MGAT4B: variants seen among roughly 807,000 people sequenced by gnomAD.
MGAT4B encodes the protein alpha-1,3-mannosyl-glycoprotein 4-beta-N-acetylglucosaminyltransferase B.
In MGAT4B, 38 loss-of-function variants were observed where a neutral mutation model predicts 73.9. The ratio of observed to expected loss-of-function variants is 0.51; its 90% CI spans 0.40 to 0.67. The LOEUF (loss-of-function observed/expected upper bound fraction) is 0.67, where lower values mean the gene tolerates loss of function less well. Ranked by LOEUF, MGAT4B falls within the 30% of genes least tolerant of loss-of-function variation. MGAT4B has a pLI of 0.00. For missense variants in MGAT4B, 686 were observed against 735.2 expected (o/e 0.93, Z 0.77); for synonymous variants, 373 against 313.5 (o/e 1.19, Z -2.01).
At chr5:179,802,458 T>C (rs1756987162) in intron 1 of MGAT4B, 1 of 1,050,070 alleles carries the variant, frequency 9.5e-7, no homozygotes, top group Non-Finnish European at 1.1e-6. Context: ...AGCCTCACGA[T>C]GGCCCCGGGG....
At position 179,801,187 on chromosome 5, in the gene MGAT4B, C is replaced by G; in HGVS notation, c.558+147G>C. On this transcript the variant is annotated intron_variant, in intron 4 of 14. Transcript: ENST00000292591. This position sits in a 1 kb window ranked among gnomAD's most constrained non-coding sequence, Gnocchi z 4.8. Reference sequence around the variant, plus strand: ...TAGGGGTAGAGGGTGCCAGAAAGCCCTTTCAACTTTCTATCTCGGAGCATT... The same window carrying G: ...TAGGGGTAGAGGGTGCCAGAAAGCCGTTTCAACTTTCTATCTCGGAGCATT... The G allele has an allele frequency of 7.8e-7, 1 of 1,288,758 alleles. No homozygotes were observed. The highest frequency in any genetic ancestry group is 1.0e-6 in the Non-Finnish European group (1 of 953,960). 79.8% of individuals were successfully genotyped at this position (1,288,758 alleles called of 1,614,324 possible).
Position 179,797,939 on chromosome 5 carries a change from A to G in MGAT4B, c.*106T>C. 1 of 1,467,596 alleles carries G rather than the reference A, an allele frequency of 6.8e-7. No homozygotes were observed. The highest frequency in any genetic ancestry group is 9.3e-7 in the Non-Finnish European group (1 of 1,074,674). The allele number at this position is 1,467,596 out of a possible 1,614,324, so 90.9% of individuals were successfully genotyped here. A position where few individuals can be genotyped will look rare whatever the true frequency, so the allele number is the denominator to read the frequency against. On this transcript the variant is annotated 3_prime_UTR_variant, in exon 15 of 15. Transcript: ENST00000292591. ...CGGCCCAAGCCCGACGCCAGGCAGA[A>G]CCCTTTGGGCGGGGCCGTATCTGGC...
At chr5:179,799,745 G>GT in intron 8 of MGAT4B, 109 bp from the exon 9 acceptor site, 1 of 1,504,076 alleles carries the variant, frequency 6.6e-7, no homozygotes, top group Non-Finnish European at 9.1e-7. Flanking sequence ...AGGCAGGTGT[G>GT]GGCATAACGG....
rs759529045 is a variant in MGAT4B at position 179,798,413 on chromosome 5, C to A, written c.1444G>T (p.Ala482Ser). Residue 482 changes from alanine to serine, a missense_variant, in exon 13 of 15, where the codon GCC (alanine) becomes TCC (serine). By Grantham distance (99) the Ala-to-Ser change is moderately conservative. Around this residue, in one of 2 missense-constraint regions of MGAT4B, gnomAD observed 449 missense variants for 536.8 expected, o/e 0.84. Transcript: ENST00000292591. Reference sequence around the variant, plus strand: ...GTGGCGGTGCGGCCCTCCTGCAGGGCCTCCTTGTCTGACTGAGGGTTCTGG... The same window carrying A: ...GTGGCGGTGCGGCCCTCCTGCAGGGACTCCTTGTCTGACTGAGGGTTCTGG... ...PFDNPQSDKE[A>S]LQEGRTATLR... The A allele has an allele frequency of 3.1e-6, 5 of 1,612,522 alleles. No individual in the cohort carries two copies. In the African/African-American group the frequency reaches 6.7e-5, roughly 22 times the overall value.
intron 1 of MGAT4B, among the ~76,000 whole-genome samples, chr5:179,804,054 G>A (rs1271476423): frequency 1.3e-5 from 2 of 152,208 alleles, no homozygotes; most frequent in East Asian, 1.9e-4. Context: ...TCAGGACCAC[G>A]TTGTTAAGAG....
Position 179,800,223 on chromosome 5 carries a change from G to A in MGAT4B, c.756C>T (p.Leu252=). 1 of 1,613,566 alleles carries A rather than the reference G, an allele frequency of 6.2e-7. No homozygotes were observed. The highest frequency in any genetic ancestry group is 1.3e-5 in the African/African-American group (1 of 75,024). The change falls in exon 7 of 15, where the codon CTC becomes CTT. Residue 252 remains leucine, a synonymous_variant. Transcript: ENST00000292591. The part of the protein sequence containing the change: ...RTKQNLDYCF[L]MMYAQSKGIY... ...TGCCTTTGGACTGCGCGTACATCAT[G>A]AGGAAGCAGTAATCGAGGTTCTGTT...
chr5:179,806,305 A>C lies in MGAT4B; in HGVS notation c.97+182T>G. ...CCACGGGCGCGGCCCGGGCCCGAGGAGAACGCCGCGGCTCCAGCAGCAAAC... is the reference window on the plus strand; with the variant it reads ...CCACGGGCGCGGCCCGGGCCCGAGGCGAACGCCGCGGCTCCAGCAGCAAAC... On this transcript the variant is annotated intron_variant, in intron 1 of 14. Coordinates refer to ENST00000292591, the MANE Select transcript of MGAT4B (RefSeq NM_014275.5). This position sits in a 1 kb window ranked among gnomAD's most constrained non-coding sequence, Gnocchi z 4.6. 1 of 190,954 alleles carries C rather than the reference A, an allele frequency of 5.2e-6. No homozygotes were observed. The allele number at this position is 190,954 out of a possible 1,614,324, so 11.8% of individuals were successfully genotyped here. A position where few individuals can be genotyped will look rare whatever the true frequency, so the allele number is the denominator to read the frequency against.
chr5:179,798,872 A>G, intron 11 of MGAT4B, 56 bp downstream of exon 11: 4 of 1,593,106 alleles, frequency 2.5e-6, no homozygotes, highest in African/African-American at 1.3e-5. Context: ...TGAAGCCTAC[A>G]CCCTGGGGGC....
chr5:179,799,926 G>A (rs1234085670), intron 8 of MGAT4B, 28 bp downstream of exon 8: 1 of 1,578,534 alleles, frequency 6.3e-7, no homozygotes, highest in African/African-American at 1.3e-5. Context: ...GGACTGAAAG[G>A]CACCGTCAGG....
chr5:179,799,730 G>A lies in MGAT4B; in HGVS notation c.911-94C>T. On this transcript the variant is annotated intron_variant, in intron 8 of 14. Transcript: ENST00000292591. ...AGTCCCACAGCAAACCCAGGGGCAG[G>A]CTTCAGGCAGGTGTGGGCATAACGG... is the stretch of plus-strand genomic sequence containing the variant. The A allele has an allele frequency of 2.5e-6, 4 of 1,573,136 alleles. No individual in the cohort carries two copies. The South Asian group carries it at 3.4e-5, about 14-fold the overall frequency.
At chr5:179,798,094 C>T in intron 14 of MGAT4B, 26 bp from the exon 15 acceptor site, 1 of 1,607,514 alleles carries the variant, frequency 6.2e-7, no homozygotes, top group Non-Finnish European at 8.5e-7. Flanking sequence ...CCAGGGTCAG[C>T]AGGGCCTCTG....
intron 1 of MGAT4B, chr5:179,803,197 G>A (rs1757018472): frequency 1.0e-5 from 10 of 985,368 alleles, no homozygotes; most frequent in Non-Finnish European, 1.1e-5. Context: ...GATCTTCCCT[G>A]AGGCATCTCT....
At position 179,798,558 on chromosome 5, in the gene MGAT4B, C is replaced by T. The variant is rs150651927; in HGVS notation, c.1377G>A (p.Pro459=). The part of the protein sequence containing the change: ...FFFRSGNIEH[P]EDKLFNTSVE... ...CAGACGTGTTGAAGAGCTTGTCCTC[C>T]GGGTGCTCGATGTTCCCACTGCGGA... The change falls in exon 12 of 15, where the codon CCG becomes CCA. Residue 459 remains proline, a synonymous_variant. Coordinates refer to ENST00000292591, the MANE Select transcript of MGAT4B (RefSeq NM_014275.5). The T allele has an allele frequency of 1.3e-4, 203 of 1,613,406 alleles. 2 individuals are homozygous for T. The African/African-American group carries it at 2.3e-3, about 19-fold the overall frequency.
intron 11 of MGAT4B, 86 bp from the exon 12 acceptor site, chr5:179,798,677 G>A (rs1278185965): frequency 1.1e-5 from 16 of 1,431,472 alleles, no homozygotes; most frequent in African/African-American, 7.0e-5. Flanking sequence ...CCAGGCCTGC[G>A]CCAGGAGGGC....
rs747436119 is a variant in MGAT4B, at chr5:179,800,353, C to G, written c.720-94G>C. On this transcript the variant is annotated intron_variant, in intron 6 of 14. Transcript: ENST00000292591. ...GCTGGGTGGGCAGCTTCTGTCCCCC[C>G]ACCCCCATGCACGGGTCCTCCCATG... is the stretch of plus-strand genomic sequence containing the variant. 7 of 1,492,160 alleles carry G rather than the reference C, an allele frequency of 4.7e-6. No individual in the cohort carries two copies. The East Asian group carries it at 6.8e-5, about 14-fold the overall frequency. 92.4% of individuals were successfully genotyped at this position (1,492,160 alleles called of 1,614,324 possible).
chr5:179,805,817 G>A (rs996608726), intron 1 of MGAT4B, among the ~76,000 whole-genome samples: 8 of 152,226 alleles, frequency 5.3e-5, no homozygotes, highest in African/African-American at 1.4e-4. Context: ...GCCAAGACCG[G>A]CCAGCGGGGC....
chr5:179,806,497 G>T lies in MGAT4B; in HGVS notation c.87C>A (p.Ser29Arg). Residue 29 changes from serine (S) to arginine (R), a missense_variant, in exon 1 of 15, where the codon AGC becomes AGA. Ser to Arg is a moderately radical substitution (Grantham distance 110, BLOSUM62 -1). Transcript: ENST00000292591. The surrounding 1 kb of genome is among the most constrained non-coding windows in gnomAD (Gnocchi z 4.6). Reference protein sequence around the residue: ...FLSLSWYAALSGQKGDVVDVY... With the variant: ...FLSLSWYAALRGQKGDVVDVY... Reference sequence around the variant, plus strand: ...GGGGGTCGCGCTCACCTTTCTGGCCGCTGAGTGCCGCGTACCAGGACAGCG... The same window carrying T: ...GGGGGTCGCGCTCACCTTTCTGGCCTCTGAGTGCCGCGTACCAGGACAGCG... 1 of 1,312,448 alleles carries T rather than the reference G, an allele frequency of 7.6e-7. No individual in the cohort carries two copies. Among genetic ancestry groups the T allele is most frequent in the Middle Eastern group, 2.1e-4 (1 of 4,810 alleles). 81.3% of individuals were successfully genotyped at this position (1,312,448 alleles called of 1,614,324 possible).
chr5:179,803,714 C>T (rs1757035872), intron 1 of MGAT4B: 1 of 152,404 alleles, frequency 6.6e-6, no homozygotes, highest in Non-Finnish European at 1.5e-5. Flanking sequence ...ACCCTCGCTT[C>T]CTTCCTAGGG....
intron 11 of MGAT4B, 84 bp downstream of exon 11, chr5:179,798,844 G>A (rs767797305): frequency 5.3e-6 from 8 of 1,495,598 alleles, no homozygotes; most frequent in Middle Eastern, 2.1e-4. Flanking sequence ...ACTGAAGAAC[G>A]TGAGGATAAC....
Sources: allele counts gnomAD v4.1 joint callset (sites outside exome capture counted in the v4.1 genomes callset), GRCh38; gene constraint gnomAD v4.1.1; regional missense constraint gnomAD v4.1.1; non-coding constraint Gnocchi (gnomAD v3.1); transcripts MANE v1.5; gene names NCBI Gene and HGNC (gene_info 2026-07-23, HGNC 2026-07-21).